Variants in KLF12 observed in about 807,000 individuals in gnomAD.
KLF12 encodes KLF transcription factor 12, also known as Krueppel-like factor 12.
In KLF12, 9 loss-of-function variants were observed where a neutral mutation model predicts 37.8. That is an observed-to-expected ratio of 0.24 (90% CI 0.14 to 0.42). The LOEUF (loss-of-function observed/expected upper bound fraction) is 0.42, where lower values mean the gene tolerates loss of function less well. KLF12 is among the 10% of genes least tolerant of loss of function. The pLI, the probability that KLF12 is intolerant of heterozygous loss-of-function variation, is 1.00. For synonymous variants in KLF12, 208 were observed against 202.1 expected (o/e 1.03, Z -0.25); for missense variants, 411 against 516.0 (o/e 0.80, Z 1.97).
intron 6 of KLF12, among the ~76,000 whole-genome samples, chr13:73,742,543 G>T (rs1878074341): frequency 6.6e-6 from 1 of 152,118 alleles, no homozygotes; most frequent in Non-Finnish European, 1.5e-5. Context: ...CAACATCTAA[G>T]ATGATGGCAT....
chr13:74,021,665 C>T (rs1892845187), intron 1 of KLF12, among the ~76,000 whole-genome samples: 1 of 152,094 alleles, frequency 6.6e-6, no homozygotes. Flanking sequence ...TCAGCAAATG[C>T]TACAAATAAG....
chr13:74,170,453 A>G, the KLF12 span, among the ~76,000 whole-genome samples: 1 of 152,224 alleles, frequency 6.6e-6, no homozygotes, highest in Non-Finnish European at 1.5e-5. Flanking sequence ...CCAGAAATAT[A>G]CTATCCTTCC....
intron 7 of KLF12, among the ~76,000 whole-genome samples, chr13:73,703,909 G>A (rs1007264190): frequency 6.6e-6 from 1 of 152,188 alleles, no homozygotes; most frequent in Non-Finnish European, 1.5e-5. Context: ...AACAAACACA[G>A]GCTAGCCCTT....
chr13:74,230,749 A>G, the KLF12 span, among the ~76,000 whole-genome samples: 1 of 151,938 alleles, frequency 6.6e-6, no homozygotes, highest in Non-Finnish European at 1.5e-5. Context: ...TCAAGTGTTT[A>G]TCTATTGCCC....
At chr13:74,194,407 A>G in the KLF12 span, among the ~76,000 whole-genome samples, 1 of 152,222 alleles carries the variant, frequency 6.6e-6, no homozygotes. Context: ...ACAGTCGTGA[A>G]GGCTTGGAAG....
chr13:74,062,496 T>C (rs560665598), intron 1 of KLF12, among the ~76,000 whole-genome samples: 2 of 102,654 alleles, frequency 1.9e-5, no homozygotes, highest in East Asian at 1.4e-3. Context: ...AAGGCAAGAG[T>C]TCATAGTCAG....
the KLF12 span, among the ~76,000 whole-genome samples, chr13:74,193,623 A>G: frequency 2.0e-5 from 3 of 152,198 alleles, no homozygotes; most frequent in Non-Finnish European, 2.9e-5. Flanking sequence ...CCAAGCCTTC[A>G]TCTACTTTCC....
intron 2 of KLF12, among the ~76,000 whole-genome samples, chr13:73,982,666 G>C (rs1255110773): frequency 2.6e-5 from 4 of 152,262 alleles, no homozygotes; most frequent in Non-Finnish European, 4.4e-5. Flanking sequence ...CTTCATATTT[G>C]TTACTATATT....
At chr13:74,205,851 G>T in the KLF12 span, among the ~76,000 whole-genome samples, 1 of 152,196 alleles carries the variant, frequency 6.6e-6, no homozygotes, top group African/African-American at 2.4e-5. Context: ...CCTCCAGGTT[G>T]TAGAGATTTT....
intron 4 of KLF12, among the ~76,000 whole-genome samples, chr13:73,819,267 A>G (rs772006734): frequency 6.6e-6 from 1 of 152,200 alleles, no homozygotes; most frequent in Non-Finnish European, 1.5e-5. Flanking sequence ...TAAAGAAGAT[A>G]ATACATGCAA....
chr13:74,110,964 C>T (rs1206324060), intron 1 of KLF12, among the ~76,000 whole-genome samples: 1 of 151,922 alleles, frequency 6.6e-6, no homozygotes, highest in African/African-American at 2.4e-5. Context: ...ACCAGCCTGA[C>T]CAACATGGTG....
At chr13:73,816,771 C>T (rs1883243670) in intron 4 of KLF12, among the ~76,000 whole-genome samples, 1 of 152,164 alleles carries the variant, frequency 6.6e-6, no homozygotes, top group Non-Finnish European at 1.5e-5. Flanking sequence ...TTGGGTTTCC[C>T]CTTTTCCCTT....
At chr13:73,715,235 A>T (rs1406192335) in intron 7 of KLF12, 133 bp downstream of exon 7, 2 of 633,642 alleles carry the variant, frequency 3.2e-6, no homozygotes, top group Non-Finnish European at 5.3e-6. Context: ...GAGAGAATAC[A>T]TTCCGCCTAG....
At chr13:74,222,825 AT>A in the KLF12 span, among the ~76,000 whole-genome samples, 1 of 152,222 alleles carries the variant, frequency 6.6e-6, no homozygotes, top group Admixed American at 6.5e-5. Context: ...ATGAGAAGTG[AT>A]CAAGTTGGTA....
At chr13:74,195,402 G>A in the KLF12 span, among the ~76,000 whole-genome samples, 113 of 152,212 alleles carry the variant, frequency 7.4e-4, no homozygotes, top group African/African-American at 2.5e-3. Flanking sequence ...GACACCTACT[G>A]CTATGAATCC....
intron 1 of KLF12, among the ~76,000 whole-genome samples, chr13:74,034,153 C>A (rs111914166): frequency 0.071 from 10,812 of 152,212 alleles, 512 homozygotes; most frequent in Non-Finnish European, 0.1. Context: ...ACCTCTGCCT[C>A]CCAGGTTCAA....
chr13:74,186,464 CTTTGG>C, the KLF12 span, among the ~76,000 whole-genome samples: 1 of 152,074 alleles, frequency 6.6e-6, no homozygotes, highest in South Asian at 2.1e-4. Context: ...AGCCCAGGAA[CTTTGG>C]ACAGGTTGGG....
At chr13:73,900,894 G>A (rs1888011110) in intron 3 of KLF12, among the ~76,000 whole-genome samples, 1 of 151,988 alleles carries the variant, frequency 6.6e-6, no homozygotes, top group African/African-American at 2.4e-5. Context: ...TTTACACCAA[G>A]AAAAATCTTG....
intron 3 of KLF12, among the ~76,000 whole-genome samples, chr13:73,873,612 A>AT (rs1255746715): frequency 1.3e-5 from 2 of 152,108 alleles, no homozygotes; most frequent in Non-Finnish European, 2.9e-5. Context: ...GTTTTTGTGG[A>AT]TTTTTTCTGA....
Sources: gnomAD v4.1 joint callset for allele counts (sites outside exome capture counted in the v4.1 genomes callset) on GRCh38, gnomAD v4.1.1 for gene constraint, MANE v1.5 for transcripts, NCBI Gene and HGNC (gene_info 2026-07-23, HGNC 2026-07-21) for gene names.